Variants in FOXP1 observed in about 807,000 individuals in gnomAD.
FOXP1 encodes the protein forkhead box protein P1.
In FOXP1, 15 loss-of-function variants were observed where a neutral mutation model predicts 98.2. The ratio of observed to expected loss-of-function variants is 0.15; its 90% CI spans 0.10 to 0.24. The LOEUF (loss-of-function observed/expected upper bound fraction) is 0.24. Among genes scored for constraint, FOXP1 ranks in the 10% least tolerant of loss-of-function variants. The pLI, the probability that FOXP1 is intolerant of heterozygous loss-of-function variation, is 1.00. For missense variants in FOXP1, 633 were observed against 848.5 expected (o/e 0.75, Z 3.15); for synonymous variants, 371 against 314.5 (o/e 1.18, Z -1.90).
At chr3:71,352,171 A>G (rs745319994) in intron 4 of FOXP1, among the ~76,000 whole-genome samples, 1 of 152,168 alleles carries the variant, frequency 6.6e-6, no homozygotes, top group Non-Finnish European at 1.5e-5. Context: ...ATAGTGATTA[A>G]GAACCAGGGT....
At chr3:71,164,211 T>C (rs545476146) in intron 6 of FOXP1, among the ~76,000 whole-genome samples, 3 of 152,308 alleles carry the variant, frequency 2.0e-5, no homozygotes, top group African/African-American at 7.2e-5. Flanking sequence ...ATTTTTTATT[T>C]TTTTTTGAAA....
chr3:71,076,290 A>C (rs752298061), intron 7 of FOXP1, among the ~76,000 whole-genome samples: 1 of 152,028 alleles, frequency 6.6e-6, no homozygotes, highest in Admixed American at 6.5e-5. Context: ...TACCCAACTA[A>C]CTCGAAGGAA....
In FOXP1 at chr3:71,581,715, C is replaced by G; in HGVS notation, c.-446-18G>C. ...TTCGGGTTCTGCAGTCGACAAGAAA[C>G]CGGGGCGACCCTCAGCAAGTCTTCC... On this transcript the variant is annotated intron_variant, in intron 1 of 20. Coordinates refer to ENST00000649528, the MANE Select transcript of FOXP1 (RefSeq NM_001349338.3). The G allele has an allele frequency of 1.0e-6, 1 of 985,746 alleles. No homozygotes were observed. The highest frequency in any genetic ancestry group is 1.2e-6 in the Non-Finnish European group (1 of 830,164). 61.1% of individuals were successfully genotyped at this position (985,746 alleles called of 1,614,324 possible).
At chr3:71,334,053 AG>A (rs2076517863) in intron 4 of FOXP1, 2 of 152,194 alleles carry the variant, frequency 1.3e-5, no homozygotes, top group African/African-American at 4.8e-5. Flanking sequence ...GAGAGAGAGA[AG>A]GATTTAAGGG....
At chr3:71,171,929 GAA>G (rs1361407680) in intron 6 of FOXP1, among the ~76,000 whole-genome samples, 2 of 152,118 alleles carry the variant, frequency 1.3e-5, no homozygotes, top group African/African-American at 4.8e-5. Flanking sequence ...TAATTATTCT[GAA>G]GTTTATTTGC....
At chr3:70,967,287 C>A (rs567719975) in intron 19 of FOXP1, among the ~76,000 whole-genome samples, 1 of 152,276 alleles carries the variant, frequency 6.6e-6, no homozygotes, top group African/African-American at 2.4e-5. Flanking sequence ...GTATGACAAT[C>A]GCAGCCTCAC....
intron 3 of FOXP1, among the ~76,000 whole-genome samples, chr3:71,381,163 T>C (rs552364945): frequency 1.3e-5 from 2 of 151,686 alleles, no homozygotes; most frequent in East Asian, 3.9e-4. Flanking sequence ...CTTTTTTTTT[T>C]TTTTTGAGAT....
At chr3:71,370,103 T>C (rs2079190851) in intron 3 of FOXP1, among the ~76,000 whole-genome samples, 2 of 152,176 alleles carry the variant, frequency 1.3e-5, no homozygotes, top group Admixed American at 1.3e-4. Flanking sequence ...CTGACAGCGC[T>C]GTTGGACAAA....
intron 3 of FOXP1, among the ~76,000 whole-genome samples, chr3:71,385,546 G>T (rs1041109954): frequency 2.0e-5 from 3 of 152,044 alleles, no homozygotes; most frequent in East Asian, 3.9e-4. Context: ...GGTGGGAAAG[G>T]CTCCCAAGAA....
intron 7 of FOXP1, chr3:71,065,497 G>A (rs1276648415): frequency 6.6e-6 from 1 of 152,300 alleles, no homozygotes; most frequent in South Asian, 2.1e-4. Flanking sequence ...TTCACGTCGG[G>A]GGTTTCACAG....
rs574511487 is a variant in FOXP1 at position 71,121,211 on chromosome 3, G to T, written c.181-8574C>A. ...GAGATGCCGAAGGCTCTAGATAGGA[G>T]GTGGCATTCTGCTACAAACCCCACC... On this transcript the variant is annotated intron_variant, in intron 6 of 20. Coordinates refer to ENST00000649528, the MANE Select transcript of FOXP1 (RefSeq NM_001349338.3). Among the ~76,000 whole-genome samples the T allele has an allele frequency of 2.4e-4, 36 of 152,038 alleles. 1 individual carries two copies. In the Middle Eastern group the frequency reaches 0.014, roughly 58 times the overall value.
intron 20 of FOXP1, among the ~76,000 whole-genome samples, chr3:70,962,962 T>G (rs902482022): frequency 2.0e-5 from 3 of 152,268 alleles, no homozygotes; most frequent in African/African-American, 4.8e-5. Flanking sequence ...TTCGTTTACC[T>G]AATTATCCTC....
chr3:71,150,661 T>C (rs2060524651), intron 6 of FOXP1, among the ~76,000 whole-genome samples: 1 of 152,142 alleles, frequency 6.6e-6, no homozygotes, highest in Non-Finnish European at 1.5e-5. Flanking sequence ...ATTTCCCCTT[T>C]GTTAAAAAAA....
intron 6 of FOXP1, among the ~76,000 whole-genome samples, chr3:71,176,877 C>A (rs936986730): frequency 4.0e-5 from 6 of 151,292 alleles, no homozygotes; most frequent in African/African-American, 1.5e-4. Context: ...GCCTGGCCAA[C>A]ATCGTGAAAC....
rs1438052399 is a variant in FOXP1 at position 70,957,930 on chromosome 3, T to G, written c.*1317A>C. 2 of 243,800 alleles carry G rather than the reference T, an allele frequency of 8.2e-6. No individual in the cohort carries two copies. The highest frequency in any genetic ancestry group is 1.1e-4 in the Admixed American group (2 of 18,774). The allele number at this position is 243,800 out of a possible 1,614,324, so 15.1% of individuals were successfully genotyped here. On this transcript the variant is annotated 3_prime_UTR_variant, in exon 21 of 21. Transcript: ENST00000649528. ...GCCACCAAGTAGGTCTGAACTAATGTATAAACTCAGCGCCGCCGCCGCCAC... is the reference window on the plus strand; with the variant it reads ...GCCACCAAGTAGGTCTGAACTAATGGATAAACTCAGCGCCGCCGCCGCCAC...
intron 4 of FOXP1, among the ~76,000 whole-genome samples, chr3:71,336,901 A>T (rs1445619577): frequency 6.6e-6 from 1 of 152,230 alleles, no homozygotes; most frequent in Non-Finnish European, 1.5e-5. Flanking sequence ...TGTTGAACTG[A>T]GGATGCAATC....
At chr3:71,466,255 G>A (rs944703393) in intron 3 of FOXP1, among the ~76,000 whole-genome samples, 3 of 152,090 alleles carry the variant, frequency 2.0e-5, no homozygotes, top group African/African-American at 7.2e-5. Context: ...TTCCTGGCCT[G>A]CCCTTATTTT....
rs1323763108 is a variant in FOXP1 at position 70,965,930 on chromosome 3, C to T, written c.1849G>A (p.Glu617Lys). 4 of 1,614,130 alleles carry T rather than the reference C, an allele frequency of 2.5e-6. No individual in the cohort carries two copies. The highest frequency in any genetic ancestry group is 2.2e-5 in the East Asian group (1 of 44,868). ...GATCTGCCTGGACTGCTGTCACTCT[C>T]GTTGCTGTTGGTATGCTCCATTGCC... ...NGAMEHTNSN[E>K]SDSSPGRSPM... The change falls in exon 20 of 21, where the codon GAG becomes AAG. Residue 617 changes from glutamate to lysine, a missense_variant. Physicochemically the swap from Glu to Lys is moderately conservative, Grantham distance 56. Around this residue, in one of 6 missense-constraint regions of FOXP1, gnomAD observed 150 missense variants for 163.7 expected, o/e 0.92. Coordinates refer to ENST00000649528, the MANE Select transcript of FOXP1 (RefSeq NM_001349338.3).
chr3:71,402,772 T>C (rs2082034948), intron 3 of FOXP1, among the ~76,000 whole-genome samples: 1 of 152,200 alleles, frequency 6.6e-6, no homozygotes, highest in African/African-American at 2.4e-5. Flanking sequence ...GGGGAAAAGT[T>C]ATAAGAGATC....
Sources: gnomAD v4.1 joint callset for allele counts (sites outside exome capture counted in the v4.1 genomes callset) on GRCh38, gnomAD v4.1.1 for gene constraint, gnomAD v4.1.1 regional missense constraint, MANE v1.5 for transcripts, NCBI Gene and HGNC (gene_info 2026-07-23, HGNC 2026-07-21) for gene names.